Variants in CSMD1 observed in about 807,000 individuals in gnomAD.
CSMD1 encodes the protein CUB and sushi domain-containing protein 1.
Under a neutral mutation model 417.5 loss-of-function variants are expected in CSMD1, and 213 were observed. The observed-to-expected ratio is 0.51, with a 90% CI of 0.46 to 0.57. The LOEUF is 0.57. Among genes scored for constraint, CSMD1 ranks in the 20% least tolerant of loss-of-function variants. The probability of loss-of-function intolerance (pLI) is 0.00; values close to 1 mark genes in which losing one functional copy is unlikely to be tolerated. For missense variants in CSMD1, 6,923 were observed against 4,529.7 expected, an observed-to-expected ratio of 1.53 and a Z score of -15.17; for synonymous variants, 2,862 against 1,736.8, an observed-to-expected ratio of 1.65 and a Z score of -16.11.
intron 10 of CSMD1, among the ~76,000 whole-genome samples, chr8:3,563,865 G>A (rs572385185): frequency 1.3e-5 from 2 of 152,108 alleles, no homozygotes. Flanking sequence ...CTCCAGCCTA[G>A]GTGACAGAAC....
In CSMD1 at chr8:3,118,567, G is replaced by A; in HGVS notation, c.6262C>T (p.Pro2088Ser). 6.2e-7 allele frequency: 1 copy of A among 1,613,496 alleles called. No individual in the cohort carries two copies. Among genetic ancestry groups the A allele is most frequent in the Non-Finnish European group, 8.5e-7 (1 of 1,179,762 alleles). The part of the protein sequence containing the change: ...AYQAYELQNC[P>S]DPPPFQNGYM... ...CCATTCTGAAATGGGGGTGGATCTG[G>A]ACAGTTCTGTAATTCATAGGCTGAA... The change falls in exon 42 of 70, where the codon CCA (proline) becomes TCA (serine). Residue 2088 changes from proline to serine, a missense_variant. Coordinates refer to ENST00000635120, the MANE Select transcript of CSMD1 (RefSeq NM_033225.6).
rs1812857970 is a variant in CSMD1, at chr8:3,065,298, GATA to G, written c.7475-12654_7475-12652del. On this transcript the variant is annotated intron_variant, in intron 49 of 69. Transcript: ENST00000635120. ...AATATGATACATAGATAGATAGATA[GATA>G]GGTAGATAGATAGATAGACAGACAG... Among the ~76,000 whole-genome samples, 6 of 134,438 alleles carry G rather than the reference GATA, an allele frequency of 4.5e-5. No homozygotes were observed. The South Asian group carries it at 1.0e-3, about 23-fold the overall frequency. 88.2% of individuals were successfully genotyped at this position (134,438 alleles called of 152,430 possible).
At position 3,708,406 on chromosome 8, in the gene CSMD1, G is replaced by T. The variant is rs911008163; in HGVS notation, c.1009+8C>A. On this transcript the variant is annotated splice_region_variant and intron_variant, in intron 7 of 69. Coordinates refer to ENST00000635120, the MANE Select transcript of CSMD1 (RefSeq NM_033225.6). ...ATCAATCCTCAGATAGAAAGGAAAG[G>T]GACTCACAGACAGAGTTTTTATGGC... 22 of 1,612,280 alleles carry T rather than the reference G, an allele frequency of 1.4e-5. No homozygotes were observed. The highest frequency in any genetic ancestry group is 1.9e-5 in the Non-Finnish European group (22 of 1,178,512).
chr8:3,149,813 G>GC (rs974872437), intron 40 of CSMD1, among the ~76,000 whole-genome samples: 8 of 152,096 alleles, frequency 5.3e-5, no homozygotes, highest in Admixed American at 3.9e-4. Flanking sequence ...GGAAACTGGA[G>GC]CCCCTGTGCC....
chr8:4,637,332 G>C lies in CSMD1; in HGVS notation c.302+10C>G. 1 of 1,591,216 alleles carries C rather than the reference G, an allele frequency of 6.3e-7. No homozygotes were observed. The highest frequency in any genetic ancestry group is 8.6e-7 in the Non-Finnish European group (1 of 1,159,660). Reference sequence around the variant, plus strand: ...AGTGCTAACTGTAATATAAAAAGTTGATACCTTACCTCACTTTTAAATTCC... The same window carrying C: ...AGTGCTAACTGTAATATAAAAAGTTCATACCTTACCTCACTTTTAAATTCC... On this transcript the variant is annotated intron_variant, in intron 2 of 69. Transcript: ENST00000635120.
intron 3 of CSMD1, among the ~76,000 whole-genome samples, chr8:4,161,065 G>A (rs115312794): frequency 1.3e-5 from 2 of 151,738 alleles, no homozygotes; most frequent in Non-Finnish European, 2.9e-5. Context: ...TCCCAGATTT[G>A]CAGGAAATGT....
chr8:3,367,295 C>A, intron 19 of CSMD1, 48 bp from the exon 20 acceptor site: 2 of 1,306,380 alleles, frequency 1.5e-6, no homozygotes, highest in Admixed American at 3.9e-5. Flanking sequence ...GAGAGACACA[C>A]GGGGCGGCGG....
Position 4,236,523 on chromosome 8 carries a change from T to C in CSMD1, c.415+183430A>G, listed in dbSNP as rs115856195. ...TCTGAGATGATTTGCTCAAAAAAGT[T>C]AGCGAGATTTCATGTGACTTAGAAA... On this transcript the variant is annotated intron_variant, in intron 3 of 69. Transcript: ENST00000635120. Among the ~76,000 whole-genome samples, 395 of 152,246 alleles carry C rather than the reference T, an allele frequency of 2.6e-3. 1 individual carries two copies. Among genetic ancestry groups the C allele is most frequent in the African/African-American group, 9.1e-3 (380 of 41,532 alleles).
chr8:3,610,114 T>C (rs914896469), intron 8 of CSMD1, among the ~76,000 whole-genome samples: 2 of 152,120 alleles, frequency 1.3e-5, no homozygotes, highest in Non-Finnish European at 2.9e-5. Context: ...ACTGATTATA[T>C]GAGAGGCCCA....
chr8:3,993,296 G>T (rs773026447), intron 5 of CSMD1, among the ~76,000 whole-genome samples: 3 of 152,134 alleles, frequency 2.0e-5, no homozygotes, highest in Admixed American at 6.5e-5. Flanking sequence ...TTAATTTTGG[G>T]GCACGTGAGA....
In CSMD1 at chr8:4,536,576, G is replaced by C. The variant is rs1797112657; in HGVS notation, c.302+100766C>G. ...CCTTCTTACAGCAGCATCGGACACT[G>C]TTGTGGATATCCTGCCGTTTAGTGG... On this transcript the variant is annotated intron_variant, in intron 2 of 69. Coordinates refer to ENST00000635120, the MANE Select transcript of CSMD1 (RefSeq NM_033225.6). Among the ~76,000 whole-genome samples the C allele has an allele frequency of 2.0e-5, 3 of 152,278 alleles. No individual in the cohort carries two copies. The South Asian group carries it at 6.2e-4, about 32-fold the overall frequency.
At chr8:3,531,661 A>G (rs534984541) in intron 10 of CSMD1, among the ~76,000 whole-genome samples, 1 of 152,292 alleles carries the variant, frequency 6.6e-6, no homozygotes, top group South Asian at 2.1e-4. Flanking sequence ...TAGAACAAAA[A>G]CTATTTATGC....
intron 11 of CSMD1, among the ~76,000 whole-genome samples, chr8:3,481,787 G>C (rs896229338): frequency 6.6e-6 from 1 of 152,188 alleles, no homozygotes; most frequent in Non-Finnish European, 1.5e-5. Flanking sequence ...GCTGGAAGAA[G>C]AAAGGGATGA....
At chr8:4,008,819 C>T (rs902660078) in intron 4 of CSMD1, among the ~76,000 whole-genome samples, 28 of 151,826 alleles carry the variant, frequency 1.8e-4, no homozygotes, top group African/African-American at 6.8e-4. Flanking sequence ...AATGTGTTAG[C>T]CAGGATGGTC....
At chr8:3,858,070 T>C (rs766709724) in intron 5 of CSMD1, among the ~76,000 whole-genome samples, 4 of 152,228 alleles carry the variant, frequency 2.6e-5, no homozygotes, top group South Asian at 4.1e-4. Flanking sequence ...TCTGTAAAGA[T>C]AGCAATTTGT....
Position 4,266,336 on chromosome 8 carries a change from G to C in CSMD1, c.415+153617C>G, listed in dbSNP as rs531434319. ...CAGGTCTTAGAAACAGTTGATTTTG[G>C]AGAAAAACAAACACAACTTTTTAAT... is the stretch of plus-strand genomic sequence containing the variant. On this transcript the variant is annotated intron_variant, in intron 3 of 69. Coordinates refer to ENST00000635120, the MANE Select transcript of CSMD1 (RefSeq NM_033225.6). Among the ~76,000 whole-genome samples, 293 of 104,698 alleles carry C rather than the reference G, an allele frequency of 2.8e-3. 43 individuals carry two copies. Among genetic ancestry groups the C allele is most frequent in the African/African-American group, 7.5e-3 (289 of 38,488 alleles). 68.7% of individuals were successfully genotyped at this position (104,698 alleles called of 152,430 possible).
chr8:4,534,558 T>C (rs186418860), intron 2 of CSMD1, among the ~76,000 whole-genome samples: 1 of 152,134 alleles, frequency 6.6e-6, no homozygotes, highest in Non-Finnish European at 1.5e-5. Context: ...TAGTACCCAA[T>C]AGGTAGTTTT....
chr8:3,881,776 G>C (rs534518433), intron 5 of CSMD1, among the ~76,000 whole-genome samples: 1 of 152,058 alleles, frequency 6.6e-6, no homozygotes, highest in Non-Finnish European at 1.5e-5. Context: ...GACTCTGAAT[G>C]GTCGATGCAA....
intron 5 of CSMD1, among the ~76,000 whole-genome samples, chr8:3,808,552 C>G (rs758486760): frequency 6.6e-5 from 10 of 152,182 alleles, no homozygotes; most frequent in Non-Finnish European, 1.2e-4. Flanking sequence ...GTCTGTCTCT[C>G]TTTATGATAT....
Sources: gnomAD v4.1 joint callset for allele counts (sites outside exome capture counted in the v4.1 genomes callset) on GRCh38, gnomAD v4.1.1 for gene constraint, MANE v1.5 for transcripts, NCBI Gene and HGNC (gene_info 2026-07-23, HGNC 2026-07-21) for gene names.